NCOR2: variants seen among roughly 807,000 people sequenced by gnomAD.
NCOR2 encodes nuclear receptor corepressor 2.
In NCOR2, 81 loss-of-function variants were observed where a neutral mutation model predicts 262.9. That is an observed-to-expected ratio of 0.31 (90% CI 0.26 to 0.37). NCOR2 has a LOEUF of 0.37. Among genes scored for constraint, NCOR2 ranks in the 10% least tolerant of loss-of-function variants. The pLI, the probability that NCOR2 is intolerant of heterozygous loss-of-function variation, is 1.00. For missense variants in NCOR2, 3,385 were observed against 3,621.4 expected (o/e 0.93, Z 1.68); for synonymous variants, 1,659 against 1,559.3 (o/e 1.06, Z -1.51).
intron 41 of NCOR2, among the ~76,000 whole-genome samples, chr12:124,333,881 TGTGCATGTGTGTGTGCGC>T (rs1379171390): frequency 9.6e-5 from 8 of 83,278 alleles, no homozygotes; most frequent in Non-Finnish European, 1.4e-4. Flanking sequence ...TGTGTGCGGG[TGTGCATGTGTGTGTGCGC>T]GCGCATGTGT....
At chr12:124,429,809 A>G (rs2043812353) in intron 9 of NCOR2, 103 bp from the exon 12 acceptor site, 3 of 1,137,048 alleles carry the variant, frequency 2.6e-6, no homozygotes, top group Non-Finnish European at 3.8e-6. Context: ...CCAGAGGAGA[A>G]GTGTGGGCAG....
At chr12:124,427,475 C>T (rs577704985) in intron 10 of NCOR2, among the ~76,000 whole-genome samples, 4 of 152,212 alleles carry the variant, frequency 2.6e-5, no homozygotes, top group Non-Finnish European at 4.4e-5. Flanking sequence ...CAATTACTGG[C>T]GATTAATTAC....
upstream of NCOR2, among the ~76,000 whole-genome samples, chr12:124,497,824 C>T (rs1312675504): frequency 1.3e-5 from 2 of 152,196 alleles, no homozygotes; most frequent in South Asian, 2.1e-4. This position sits in a 1 kb window ranked among gnomAD's most constrained non-coding sequence, Gnocchi z 4.2. Context: ...TCACCAGTGA[C>T]GCTATGATGG....
At position 124,548,672 on chromosome 12, in the gene NCOR2, C is replaced by T. The variant is rs186451459; in HGVS notation, c.-164-13061G>A. On this transcript the variant is annotated intron_variant, in intron 1 of 32. Transcript: ENST00000458234. The surrounding 1 kb of genome is among the most constrained non-coding windows in gnomAD (Gnocchi z 5.1). ...TTTTTTCTGTGCTGTTAGGGCGGGG[C>T]GGGGGATCTCCATGGCAGGGTCCCC... Among the ~76,000 whole-genome samples the T allele has an allele frequency of 7.2e-5, 11 of 152,074 alleles. No individual in the cohort carries two copies. Among genetic ancestry groups the T allele is most frequent in the Admixed American group, 3.9e-4 (6 of 15,270 alleles).
intron 11 of NCOR2, among the ~76,000 whole-genome samples, chr12:124,424,372 G>A (rs1158931908): frequency 6.6e-6 from 1 of 152,078 alleles, no homozygotes. Context: ...ACTTTGATTT[G>A]ACGTAGAAAG....
intron 13 of NCOR2, among the ~76,000 whole-genome samples, chr12:124,403,323 T>A (rs544591429): frequency 6.6e-6 from 1 of 152,066 alleles, no homozygotes; most frequent in Admixed American, 6.5e-5. Flanking sequence ...ACAGAGCAGA[T>A]CAGAGAGGCT....
rs149130902 is a variant in NCOR2 at position 124,373,033 on chromosome 12, C to T, written c.2219-423G>A. 3.5e-4 allele frequency among the ~76,000 whole-genome samples: 53 copies of T among 152,380 alleles called. No individual in the cohort carries two copies. The East Asian group carries it at 0.01, about 29-fold the overall frequency. ...GTGCCACGGGAAACTCAGGTTACCT[C>T]TTGGGCCTCAGTTTTCCCATCTGCA... On this transcript the variant is annotated intron_variant, in intron 19 of 46. Coordinates refer to ENST00000405201, the Ensembl canonical transcript of NCOR2.
intron 1 of NCOR2, among the ~76,000 whole-genome samples, chr12:124,493,351 G>A (rs2048198468): frequency 6.6e-6 from 1 of 152,212 alleles, no homozygotes; most frequent in Non-Finnish European, 1.5e-5. Context: ...GCAGCTGCAG[G>A]TACAGCAACA....
chr12:124,540,106 T>TCACA (rs61168320), upstream of NCOR2, among the ~76,000 whole-genome samples: 4 of 150,516 alleles, frequency 2.7e-5, no homozygotes, highest in African/African-American at 9.8e-5. Context: ...GGGGCCAAGG[T>TCACA]CACACACACA....
At chr12:124,362,516 G>C (rs2038670410) in intron 21 of NCOR2, among the ~76,000 whole-genome samples, 1 of 151,360 alleles carries the variant, frequency 6.6e-6, no homozygotes, top group East Asian at 1.9e-4. Context: ...GGTGAACAGG[G>C]GGAGCTCACC....
exon 38 of NCOR2, chr12:124,336,811 G>C: frequency 1.2e-6 from 2 of 1,613,328 alleles, no homozygotes; most frequent in South Asian, 2.2e-5. Flanking sequence ...TCTTTTCCCG[G>C]TGCGGGTCCG....
At chr12:124,461,232 G>A (rs183712648) in intron 5 of NCOR2, among the ~76,000 whole-genome samples, 9 of 152,372 alleles carry the variant, frequency 5.9e-5, no homozygotes, top group African/African-American at 1.4e-4. Context: ...TGCTCTGATC[G>A]TGGTGGGTGG....
Position 124,433,874 on chromosome 12 carries a change from AC to A in NCOR2, c.883-3088del, listed in dbSNP as rs1236903149. The stretch of plus-strand genomic sequence containing the variant: ...CACACACACACACACACACACACAC[AC>A]ACACACACACACACACACACACACG... On this transcript the variant is annotated intron_variant, in intron 8 of 46. Coordinates refer to ENST00000405201, the Ensembl canonical transcript of NCOR2. Among the ~76,000 whole-genome samples the A allele has an allele frequency of 7.8e-5, 8 of 101,926 alleles. 1 individual carries two copies. Among genetic ancestry groups the A allele is most frequent in the African/African-American group, 3.3e-4 (6 of 17,948 alleles). The allele number at this position is 101,926 out of a possible 152,430, so 66.9% of individuals were successfully genotyped here. A position where few individuals can be genotyped will look rare whatever the true frequency, so the allele number is the denominator to read the frequency against.
intron 7 of NCOR2, among the ~76,000 whole-genome samples, chr12:124,448,466 C>A (rs1021789591): frequency 6.6e-6 from 1 of 152,234 alleles, no homozygotes; most frequent in Admixed American, 6.5e-5. Context: ...CAGCCCGGGA[C>A]CCCTGGCGCA....
chr12:124,357,903 A>ATG (rs57170960), intron 22 of NCOR2, among the ~76,000 whole-genome samples: 83,713 of 136,534 alleles, frequency 0.61, 25,564 homozygotes, highest in African/African-American at 0.82. Flanking sequence ...AACCTGTGAT[A>ATG]TGTGTGTGTG....
chr12:124,410,884 C>A (rs2042541513), intron 13 of NCOR2, among the ~76,000 whole-genome samples: 1 of 152,068 alleles, frequency 6.6e-6, no homozygotes, highest in Non-Finnish European at 1.5e-5. Context: ...ACCAGTCCCT[C>A]CGCAAAGAGC....
intron 1 of NCOR2, among the ~76,000 whole-genome samples, chr12:124,489,062 G>C (rs947224450): frequency 6.6e-6 from 1 of 151,988 alleles, no homozygotes. Flanking sequence ...AGGTCACCAG[G>C]GTTGAGCCCA....
exon 5 of NCOR2, chr12:124,466,175 G>A (rs1368596690): frequency 3.7e-6 from 6 of 1,606,840 alleles, no homozygotes; most frequent in African/African-American, 2.7e-5. Flanking sequence ...ACACATACCC[G>A]GTTCTCGTCG....
intron 1 of NCOR2, among the ~76,000 whole-genome samples, chr12:124,506,687 G>GT (rs900069697): frequency 1.3e-5 from 2 of 152,130 alleles, no homozygotes; most frequent in Admixed American, 1.3e-4. Flanking sequence ...CAGGAGGGAC[G>GT]TGTTTTCCAT....
Sources: gnomAD v4.1 joint callset for allele counts (sites outside exome capture counted in the v4.1 genomes callset) on GRCh38, gnomAD v4.1.1 for gene constraint, Gnocchi (gnomAD v3.1) non-coding constraint, MANE v1.5 for transcripts, NCBI Gene and HGNC (gene_info 2026-07-23, HGNC 2026-07-21) for gene names.